The following ACYP2 variants were observed in gnomAD, a reference collection of about 807,000 sequenced individuals.
ACYP2 encodes acylphosphatase-2.
A neutral mutation model predicts 11.2 loss-of-function variants in ACYP2; 12 were observed. That is an observed-to-expected ratio of 1.08 (90% confidence interval 0.69 to 1.74). The LOEUF (loss-of-function observed/expected upper bound fraction) is 1.74, where lower values mean the gene tolerates loss of function less well. Ranked by LOEUF, ACYP2 falls within the 40% of genes most tolerant of loss-of-function variation. The pLI is 0.00. For missense variants in ACYP2, 134 were observed against 101.9 expected (o/e 1.31, Z -1.35); for synonymous variants, 43 against 32.2 (o/e 1.33, Z -1.13).
At chr2:54,201,680 T>TTCTTTCTTTCTTTCTTTCTTTCTTTC (rs1395606887) in intron 6 of ACYP2, among the ~76,000 whole-genome samples, 9 of 107,364 alleles carry the variant, frequency 8.4e-5, no homozygotes, top group South Asian at 3.8e-4. Flanking sequence ...CTTTCTTTCT[T>TTCTTTCTTTCTTTCTTTCTTTCTTTC]TCTCTCTCTC....
intron 6 of ACYP2, among the ~76,000 whole-genome samples, chr2:54,286,686 G>C (rs1558669455): frequency 6.6e-6 from 1 of 151,942 alleles, no homozygotes; most frequent in Non-Finnish European, 1.5e-5. Context: ...CATTTTCTCA[G>C]GTTTTAAATG....
chr2:54,033,570 G>T (rs1424438244), intron 2 of ACYP2, among the ~76,000 whole-genome samples: 21 of 152,144 alleles, frequency 1.4e-4, no homozygotes, highest in Admixed American at 1.4e-3. Context: ...GATGAAAATT[G>T]TGTGTTATAT....
At chr2:54,255,686 C>G (rs1382824065) in intron 6 of ACYP2, 2 of 1,613,950 alleles carry the variant, frequency 1.2e-6, no homozygotes, top group Admixed American at 3.3e-5. Context: ...GAGAACATGG[C>G]ACACTCCTCA....
intron 2 of ACYP2, among the ~76,000 whole-genome samples, chr2:53,991,975 T>A (rs1672319067): frequency 6.6e-6 from 1 of 151,958 alleles, no homozygotes; most frequent in South Asian, 2.1e-4. Context: ...TTCTTTCAAT[T>A]TCTTGATCAA....
chr2:54,166,733 C>G lies in ACYP2; in HGVS notation c.404+27985C>G, dbSNP rs559009506. 3.2e-4 allele frequency among the ~76,000 whole-genome samples: 49 copies of G among 152,172 alleles called. 1 individual carries two copies. In the East Asian group the frequency reaches 9.1e-3, roughly 28 times the overall value. On this transcript the variant is annotated intron_variant, in intron 6 of 6. Transcript: ENST00000607452. ...TGAAGATTTCTCATAATGATGGAAA[C>G]TTACTTCAAGATTCTATAGCAATTT...
At chr2:54,070,599 C>T (rs1676985108) in intron 4 of ACYP2, among the ~76,000 whole-genome samples, 1 of 152,204 alleles carries the variant, frequency 6.6e-6, no homozygotes, top group South Asian at 2.1e-4. Context: ...GTGATCACTG[C>T]ACCAATTCAG....
chr2:54,055,040 C>T (rs983691055), intron 3 of ACYP2, among the ~76,000 whole-genome samples: 5 of 151,942 alleles, frequency 3.3e-5, no homozygotes, highest in Non-Finnish European at 5.9e-5. Context: ...TTTTCTTTTT[C>T]TTTTTTTCTT....
At chr2:54,002,321 C>G (rs1672838662) in intron 2 of ACYP2, among the ~76,000 whole-genome samples, 1 of 151,112 alleles carries the variant, frequency 6.6e-6, no homozygotes, top group African/African-American at 2.4e-5. Flanking sequence ...TCCTCTATGT[C>G]TTTTCATTAC....
At chr2:54,140,878 T>C (rs190899970) in intron 6 of ACYP2, among the ~76,000 whole-genome samples, 96 of 152,332 alleles carry the variant, frequency 6.3e-4, no homozygotes, top group African/African-American at 2.2e-3. Flanking sequence ...GAAGTGGCTA[T>C]GTATTTTTAA....
intron 2 of ACYP2, among the ~76,000 whole-genome samples, chr2:54,001,583 A>G (rs186829134): frequency 2.0e-4 from 31 of 152,180 alleles, no homozygotes; most frequent in African/African-American, 7.2e-4. Context: ...TAGTAGAGAT[A>G]GGGTTTCACT....
At chr2:54,190,486 C>T (rs1452609610) in intron 6 of ACYP2, among the ~76,000 whole-genome samples, 1 of 152,022 alleles carries the variant, frequency 6.6e-6, no homozygotes, top group Non-Finnish European at 1.5e-5. Context: ...GTGTTAAGTC[C>T]AGTGGCCAAT....
chr2:54,150,096 T>G (rs568602744), intron 6 of ACYP2, among the ~76,000 whole-genome samples: 1 of 152,346 alleles, frequency 6.6e-6, no homozygotes, highest in Admixed American at 6.5e-5. Flanking sequence ...AGGAGTAGTC[T>G]AGATCAGGGA....
chr2:54,173,976 G>T (rs1162711395), intron 6 of ACYP2, among the ~76,000 whole-genome samples: 6 of 152,150 alleles, frequency 3.9e-5, no homozygotes, highest in Admixed American at 1.3e-4. Flanking sequence ...GATGCCTCCA[G>T]CTTTGTTCTT....
chr2:54,108,046 A>T (rs1679260037), intron 4 of ACYP2, among the ~76,000 whole-genome samples: 1 of 152,192 alleles, frequency 6.6e-6, no homozygotes, highest in African/African-American at 2.4e-5. Flanking sequence ...TTAGTAAAAC[A>T]GATGTCCTGT....
At chr2:54,014,047 A>G (rs1308471493) in intron 2 of ACYP2, among the ~76,000 whole-genome samples, 1 of 152,080 alleles carries the variant, frequency 6.6e-6, no homozygotes, top group African/African-American at 2.4e-5. Context: ...AATCCCAGAT[A>G]CCCAGGAGGC....
intron 6 of ACYP2, among the ~76,000 whole-genome samples, chr2:54,245,559 A>G (rs1686910521): frequency 6.6e-6 from 1 of 152,020 alleles, no homozygotes; most frequent in Non-Finnish European, 1.5e-5. Flanking sequence ...AGCTATCCTA[A>G]CTGGGGTAAG....
intron 4 of ACYP2, among the ~76,000 whole-genome samples, chr2:54,072,384 C>A (rs886407293): frequency 2.0e-5 from 3 of 152,086 alleles, no homozygotes; most frequent in African/African-American, 7.2e-5. Context: ...CAGTTCACTG[C>A]AGTCTTCACC....
intron 2 of ACYP2, among the ~76,000 whole-genome samples, chr2:54,035,027 A>T (rs868664539): frequency 1.4e-5 from 2 of 147,632 alleles, no homozygotes; most frequent in Non-Finnish European, 1.5e-5. Flanking sequence ...AAAAAAAAAA[A>T]AAAAAGCCTA....
intron 6 of ACYP2, among the ~76,000 whole-genome samples, chr2:54,292,000 G>C (rs1292292111): frequency 8.5e-5 from 13 of 152,128 alleles, no homozygotes; most frequent in Non-Finnish European, 2.9e-5. Flanking sequence ...TTTATTTGCA[G>C]CAAACTATAG....
Sources: allele counts gnomAD v4.1 joint callset (sites outside exome capture counted in the v4.1 genomes callset), GRCh38; gene constraint gnomAD v4.1.1; transcripts MANE v1.5; gene names NCBI Gene and HGNC (gene_info 2026-07-23, HGNC 2026-07-21).